Variants in GPD1L observed in about 807,000 individuals in gnomAD.
The protein encoded by GPD1L is glycerol-3-phosphate dehydrogenase 1-like protein.
Under a neutral mutation model 32.9 loss-of-function variants are expected in GPD1L, and 17 were observed. The observed-to-expected ratio is 0.52, with a 90% CI of 0.35 to 0.78. The LOEUF (loss-of-function observed/expected upper bound fraction) is 0.78, where lower values mean the gene tolerates loss of function less well. Ranked by LOEUF, GPD1L falls within the 30% of genes least tolerant of loss-of-function variation. GPD1L has a pLI of 0.01. For synonymous variants in GPD1L, 187 were observed against 165.9 expected, an observed-to-expected ratio of 1.13 and a Z score of -0.98; for missense variants, 361 against 447.8, an observed-to-expected ratio of 0.81 and a Z score of 1.75.
At chr3:32,146,873 TC>T (rs1700838446) in intron 5 of GPD1L, 139 bp downstream of exon 5, 1 of 712,086 alleles carries the variant, frequency 1.4e-6, no homozygotes, top group Admixed American at 2.0e-5. Flanking sequence ...GTTTATAACT[TC>T]CTGTTTTGCT....
intron 4 of GPD1L, among the ~76,000 whole-genome samples, chr3:32,141,908 C>G (rs1241983677): frequency 6.6e-6 from 1 of 152,110 alleles, no homozygotes; most frequent in East Asian, 1.9e-4. Context: ...AGGTAGTGAG[C>G]ATAGTACCCC....
Position 32,155,904 on chromosome 3 carries a change from C to T in GPD1L, c.619-2972C>T, listed in dbSNP as rs565053636. ...GTAGAGGCTCTCTGGATGTCAGTGC[C>T]GTGTACCGCTTCCGTCTCCTTGTAG... On this transcript the variant is annotated intron_variant, in intron 5 of 7. Coordinates refer to ENST00000282541, the MANE Select transcript of GPD1L (RefSeq NM_015141.4). 5.9e-5 allele frequency among the ~76,000 whole-genome samples: 9 copies of T among 152,264 alleles called. No individual in the cohort carries two copies. In the East Asian group the frequency reaches 9.7e-4, roughly 16 times the overall value.
intron 1 of GPD1L, among the ~76,000 whole-genome samples, chr3:32,110,175 C>T (rs954617917): frequency 6.6e-6 from 1 of 152,246 alleles, no homozygotes; most frequent in African/African-American, 2.4e-5. Flanking sequence ...GCCTCGGCCT[C>T]CCAAAGTGCT....
rs6799728 is a variant in GPD1L, at chr3:32,166,245, A to T, written c.*335A>T. ...AAGATTGGAACGATCTCAGCCAAAT[A>T]TTTTAGGTGTAATTCATATGTATTT... On this transcript the variant is annotated 3_prime_UTR_variant, in exon 8 of 8. Coordinates refer to ENST00000282541, the MANE Select transcript of GPD1L (RefSeq NM_015141.4). 130,121 of 354,250 alleles carry T rather than the reference A, an allele frequency of 0.37. 26,174 individuals carry two copies. The highest frequency in any genetic ancestry group is 0.6 in the East Asian group (8,246 of 13,776). 21.9% of individuals were successfully genotyped at this position (354,250 alleles called of 1,614,324 possible).
chr3:32,110,055 C>A (rs1172031960), intron 1 of GPD1L, among the ~76,000 whole-genome samples: 1 of 152,208 alleles, frequency 6.6e-6, no homozygotes, highest in African/African-American at 2.4e-5. Flanking sequence ...GTAGCTGGGA[C>A]TACAGGCACC....
intron 7 of GPD1L, among the ~76,000 whole-genome samples, chr3:32,163,077 G>T (rs1701093233): frequency 6.6e-6 from 1 of 150,794 alleles, no homozygotes; most frequent in African/African-American, 2.4e-5. Flanking sequence ...TTATAATACT[G>T]CACATCCCTG....
chr3:32,146,240 C>T (rs1426939580), intron 4 of GPD1L, among the ~76,000 whole-genome samples: 1 of 152,012 alleles, frequency 6.6e-6, no homozygotes, highest in African/African-American at 2.4e-5. Context: ...GTACGTGCCA[C>T]CACGCCCAGC....
chr3:32,150,642 A>T (rs1317392735), intron 5 of GPD1L, among the ~76,000 whole-genome samples: 3 of 152,068 alleles, frequency 2.0e-5, no homozygotes, highest in Non-Finnish European at 2.9e-5. Flanking sequence ...GCATTCCACC[A>T]CACCCAGTTA....
intron 5 of GPD1L, among the ~76,000 whole-genome samples, chr3:32,147,827 G>GT (rs1322595912): frequency 5.3e-5 from 8 of 152,204 alleles, no homozygotes; most frequent in East Asian, 1.9e-4. Flanking sequence ...AATTGTATAT[G>GT]TTTTTTTCTA....
At position 32,163,366 on chromosome 3, in the gene GPD1L, C is replaced by T. The variant is rs537567737; in HGVS notation, c.960-2448C>T. Among the ~76,000 whole-genome samples, 592 of 152,044 alleles carry T rather than the reference C, an allele frequency of 3.9e-3. 5 individuals are homozygous for T. Among genetic ancestry groups the T allele is most frequent in the African/African-American group, 0.014 (564 of 41,470 alleles). On this transcript the variant is annotated intron_variant, in intron 7 of 7. Coordinates refer to ENST00000282541, the MANE Select transcript of GPD1L (RefSeq NM_015141.4). ...TGTATTTTTAGTAGAGACGGGGTTT[C>T]ACTGTGTTAGCCAAGATGGTCTCGA...
intron 5 of GPD1L, among the ~76,000 whole-genome samples, chr3:32,157,379 G>A (rs1433200583): frequency 6.6e-6 from 1 of 151,950 alleles, no homozygotes; most frequent in Non-Finnish European, 1.5e-5. Flanking sequence ...GCTTTGTTGT[G>A]TCTCTTTTCT....
rs1701179826 is a variant in GPD1L at position 32,168,498 on chromosome 3, G to GT, written c.*2593dup. The GT allele has an allele frequency of 1.3e-5, 2 of 152,638 alleles. No individual in the cohort carries two copies. The highest frequency in any genetic ancestry group is 4.1e-4 in the South Asian group (2 of 4,824). The allele number at this position is 152,638 out of a possible 1,614,324, so 9.5% of individuals were successfully genotyped here. ...GAGACGGAGTCAAACTAAACTTGTG[G>GT]TTTTTCATTTAACTTTTGACTACAG... On this transcript the variant is annotated 3_prime_UTR_variant, in exon 8 of 8. Transcript: ENST00000282541.
chr3:32,153,943 T>C (rs1700954507), intron 5 of GPD1L, among the ~76,000 whole-genome samples: 1 of 152,104 alleles, frequency 6.6e-6, no homozygotes, highest in Non-Finnish European at 1.5e-5. Flanking sequence ...CATACGTCTG[T>C]TTTCTGAAAA....
At chr3:32,151,195 T>TCTAA in intron 5 of GPD1L, 1 of 595,206 alleles carries the variant, frequency 1.7e-6, no homozygotes, top group South Asian at 1.5e-5. Flanking sequence ...CTAATCCAGG[T>TCTAA]ACCTTTCTCT....
intron 5 of GPD1L, among the ~76,000 whole-genome samples, chr3:32,153,801 TTG>T (rs1175035052): frequency 6.6e-6 from 1 of 152,182 alleles, no homozygotes; most frequent in Non-Finnish European, 1.5e-5. Flanking sequence ...TTTATTCTTT[TTG>T]TGGGAAGGTG....
rs6802739 is a variant in GPD1L, at chr3:32,166,939, A to G, written c.*1029A>G. The G allele has an allele frequency of 0.54, 80,885 of 150,794 alleles. 23,351 individuals carry two copies. The highest frequency in any genetic ancestry group is 0.75 in the African/African-American group (31,019 of 41,104). The allele number at this position is 150,794 out of a possible 1,614,324, so 9.3% of individuals were successfully genotyped here. ...ATCTATGCAGGCCATCCTCTCAACA[A>G]GTGCCACTCCAAGGGCGGTCCTCGG... is the stretch of plus-strand genomic sequence containing the variant. On this transcript the variant is annotated 3_prime_UTR_variant, in exon 8 of 8. Coordinates refer to ENST00000282541, the MANE Select transcript of GPD1L (RefSeq NM_015141.4).
At chr3:32,146,502 A>G (rs1700828327) in intron 4 of GPD1L, 120 bp from the exon 5 acceptor site, 2 of 709,014 alleles carry the variant, frequency 2.8e-6, no homozygotes, top group African/African-American at 3.6e-5. Context: ...TGTTTTCTAA[A>G]TATCCTATCA....
intron 1 of GPD1L, among the ~76,000 whole-genome samples, chr3:32,118,009 C>T (rs1296678055): frequency 6.6e-6 from 1 of 152,194 alleles, no homozygotes; most frequent in Non-Finnish European, 1.5e-5. Flanking sequence ...CCATCCCAAA[C>T]TGCTCCTACT....
At chr3:32,107,165 G>A (rs1379402723) in intron 1 of GPD1L, among the ~76,000 whole-genome samples, 1 of 152,192 alleles carries the variant, frequency 6.6e-6, no homozygotes, top group Non-Finnish European at 1.5e-5. Flanking sequence ...TGCAGTTTCG[G>A]TGTTGAGGAA....
Sources: gnomAD v4.1 joint callset for allele counts (sites outside exome capture counted in the v4.1 genomes callset) on GRCh38, gnomAD v4.1.1 for gene constraint, MANE v1.5 for transcripts, NCBI Gene and HGNC (gene_info 2026-07-23, HGNC 2026-07-21) for gene names.